The following AFF4 variants were observed in gnomAD, a reference collection of about 807,000 sequenced individuals.
The protein encoded by AFF4 is ALF transcription elongation factor 4, also known as AF4/FMR2 family member 4.
AFF4 carries 13 observed loss-of-function variants against 124.8 expected under a neutral mutation model. The ratio of observed to expected loss-of-function variants is 0.10; its 90% CI spans 0.07 to 0.17. AFF4 has a LOEUF of 0.17. Ranked by LOEUF, AFF4 falls within the 10% of genes least tolerant of loss-of-function variation. The probability of loss-of-function intolerance (pLI) is 1.00; values close to 1 mark genes in which losing one functional copy is unlikely to be tolerated. For missense variants in AFF4, 1,092 were observed against 1,403.8 expected (o/e 0.78, Z 3.55); for synonymous variants, 477 against 496.1 (o/e 0.96, Z 0.51).
chr5:132,957,047 A>AAC (rs1278415845), intron 1 of AFF4, among the ~76,000 whole-genome samples: 13 of 143,574 alleles, frequency 9.1e-5, no homozygotes, highest in Non-Finnish European at 1.8e-4. Context: ...AAAAAAAAAA[A>AAC]AACAGAAAAA....
chr5:132,901,295 T>A (rs1760545673), intron 7 of AFF4, among the ~76,000 whole-genome samples: 1 of 152,332 alleles, frequency 6.6e-6, no homozygotes, highest in South Asian at 2.1e-4. Flanking sequence ...GGTATATATA[T>A]GGTAAGACCA....
intron 5 of AFF4, among the ~76,000 whole-genome samples, chr5:132,923,636 T>C (rs1046116663): frequency 6.6e-5 from 10 of 151,968 alleles, no homozygotes; most frequent in Non-Finnish European, 7.4e-5. Flanking sequence ...AATGAGAGGA[T>C]TGCTAGTGCT....
At chr5:132,960,221 A>C (rs1191621996) in intron 1 of AFF4, among the ~76,000 whole-genome samples, 1 of 152,234 alleles carries the variant, frequency 6.6e-6, no homozygotes, top group Non-Finnish European at 1.5e-5. Context: ...GAAATGAATA[A>C]GGGAATGGGT....
chr5:132,885,877 G>C (rs368019815), intron 18 of AFF4, among the ~76,000 whole-genome samples: 1 of 152,104 alleles, frequency 6.6e-6, no homozygotes, highest in East Asian at 1.9e-4. Flanking sequence ...GGGTTCAAGC[G>C]ATTCTCCTGC....
At position 132,880,577 on chromosome 5, in the gene AFF4, C is replaced by G; in HGVS notation, c.*482G>C. ...GAATATGTCCTTATTTTAGACGAACCAATTCTTACTCTTAGAACAGCTACC... is the reference window on the plus strand; with the variant it reads ...GAATATGTCCTTATTTTAGACGAACGAATTCTTACTCTTAGAACAGCTACC... On this transcript the variant is annotated 3_prime_UTR_variant, in exon 21 of 21. Transcript: ENST00000265343. 1 of 375,372 alleles carries G rather than the reference C, an allele frequency of 2.7e-6. No homozygotes were observed. Among genetic ancestry groups the G allele is most frequent in the Non-Finnish European group, 4.7e-6 (1 of 211,654 alleles). The allele number at this position is 375,372 out of a possible 1,614,324, so 23.3% of individuals were successfully genotyped here. A position where few individuals can be genotyped will look rare whatever the true frequency, so the allele number is the denominator to read the frequency against.
At chr5:132,927,386 A>T in intron 4 of AFF4, 179 bp from the exon 5 acceptor site, 1 of 503,622 alleles carries the variant, frequency 2.0e-6, no homozygotes, top group Non-Finnish European at 3.5e-6. Context: ...AGGTAATAAG[A>T]AGATTAATAA....
At chr5:132,914,017 C>T (rs1180436408) in intron 5 of AFF4, among the ~76,000 whole-genome samples, 1 of 152,012 alleles carries the variant, frequency 6.6e-6, no homozygotes, top group Non-Finnish European at 1.5e-5. Context: ...CGCTTGAGTC[C>T]AGGAGTTTGA....
chr5:132,904,282 A>T, intron 6 of AFF4, 86 bp downstream of exon 6: 1 of 1,178,736 alleles, frequency 8.5e-7, no homozygotes, highest in Non-Finnish European at 1.2e-6. Flanking sequence ...TAAAGGTATT[A>T]CTAAAGTTAT....
At chr5:132,891,814 TTTA>T in intron 13 of AFF4, 1 of 308,798 alleles carries the variant, frequency 3.2e-6, no homozygotes, top group Non-Finnish European at 5.9e-6. Flanking sequence ...TTTTTTTTTT[TTTA>T]AATTTTAAAG....
intron 4 of AFF4, among the ~76,000 whole-genome samples, chr5:132,927,929 G>C (rs1581312437): frequency 6.6e-6 from 1 of 152,120 alleles, no homozygotes; most frequent in East Asian, 1.9e-4. Flanking sequence ...GGTGAGGTCT[G>C]GTAAGATTAC....
At chr5:132,921,408 G>A (rs947266714) in intron 5 of AFF4, among the ~76,000 whole-genome samples, 7 of 151,720 alleles carry the variant, frequency 4.6e-5, no homozygotes, top group African/African-American at 1.7e-4. Context: ...ATATACCATT[G>A]GCAGGAATAA....
rs28372769 is a variant in AFF4, at chr5:132,963,438, TCGG to T, written c.-187_-185del. Reference sequence around the variant, plus strand: ...GAGGCCTCGACAAACGAAGGCGGCGTCGGCGGCGGCGGCAGCGATGCGCCTCAC... The same window carrying T: ...GAGGCCTCGACAAACGAAGGCGGCGTCGGCGGCGGCAGCGATGCGCCTCAC... On this transcript the variant is annotated 5_prime_UTR_variant, in exon 1 of 21. Coordinates refer to ENST00000265343, the MANE Select transcript of AFF4 (RefSeq NM_014423.4). 11 of 397,768 alleles carry T rather than the reference TCGG, an allele frequency of 2.8e-5. No individual in the cohort carries two copies. Among genetic ancestry groups the T allele is most frequent in the Non-Finnish European group, 4.0e-5 (9 of 225,796 alleles). 24.6% of individuals were successfully genotyped at this position (397,768 alleles called of 1,614,324 possible). A position where few individuals can be genotyped will look rare whatever the true frequency, so the allele number is the denominator to read the frequency against.
At chr5:132,890,199 A>C (rs1270794166) in intron 13 of AFF4, among the ~76,000 whole-genome samples, 2 of 151,578 alleles carry the variant, frequency 1.3e-5, no homozygotes, top group African/African-American at 4.8e-5. Flanking sequence ...TAAATATATA[A>C]TTATACTTTG....
At chr5:132,881,341 CCATAGT>C (rs997755571) in intron 20 of AFF4, among the ~76,000 whole-genome samples, 155 bp from the exon 21 acceptor site, 1 of 152,176 alleles carries the variant, frequency 6.6e-6, no homozygotes, top group African/African-American at 2.4e-5. Flanking sequence ...GCAAATCATT[CCATAGT>C]CTCTCAAGTT....
chr5:132,891,890 T>C lies in AFF4; in HGVS notation c.2637+274A>G, dbSNP rs1760267836. ...TGGACTCAAATTCCTCAAATGATCCTTCCATCTTAGCCTCCCAAATAGCTG... is the reference window on the plus strand; with the variant it reads ...TGGACTCAAATTCCTCAAATGATCCCTCCATCTTAGCCTCCCAAATAGCTG... On this transcript the variant is annotated intron_variant, in intron 13 of 20. Transcript: ENST00000265343. The C allele has an allele frequency of 7.8e-6, 4 of 514,510 alleles. No homozygotes were observed. The East Asian group carries it at 1.1e-4, about 15-fold the overall frequency. 31.9% of individuals were successfully genotyped at this position (514,510 alleles called of 1,614,324 possible).
intron 5 of AFF4, among the ~76,000 whole-genome samples, chr5:132,924,505 A>G (rs1761124557): frequency 1.3e-5 from 2 of 152,142 alleles, no homozygotes; most frequent in Admixed American, 1.3e-4. Context: ...GGTGATGGAA[A>G]TGTTCTAATT....
chr5:132,894,255 T>C (rs981542208), intron 11 of AFF4, among the ~76,000 whole-genome samples: 2 of 152,228 alleles, frequency 1.3e-5, no homozygotes, highest in Admixed American at 1.3e-4. Flanking sequence ...TACCAAACTA[T>C]GTTCCAAAGC....
At chr5:132,955,913 T>C (rs1045396453) in intron 1 of AFF4, among the ~76,000 whole-genome samples, 1 of 146,532 alleles carries the variant, frequency 6.8e-6, no homozygotes, top group African/African-American at 2.5e-5. Flanking sequence ...ATATAATATA[T>C]ACTATACTTA....
intron 1 of AFF4, among the ~76,000 whole-genome samples, chr5:132,941,515 T>C (rs1761568265): frequency 6.6e-6 from 1 of 152,054 alleles, no homozygotes; most frequent in Admixed American, 6.6e-5. Context: ...TTTTGTATTT[T>C]TGTAGGGACA....
Sources: gnomAD v4.1 joint callset for allele counts (sites outside exome capture counted in the v4.1 genomes callset) on GRCh38, gnomAD v4.1.1 for gene constraint, MANE v1.5 for transcripts, NCBI Gene and HGNC (gene_info 2026-07-23, HGNC 2026-07-21) for gene names.